The following TLE4 variants were observed in gnomAD, a reference collection of about 807,000 sequenced individuals.
TLE4 encodes transducin-like enhancer protein 4.
A neutral mutation model predicts 92.8 loss-of-function variants in TLE4; 8 were observed. That is an observed-to-expected ratio of 0.09 (90% CI 0.05 to 0.16). The LOEUF is 0.16. Ranked by LOEUF, TLE4 falls within the 10% of genes least tolerant of loss-of-function variation. The pLI is 1.00. For missense variants in TLE4, 675 were observed against 997.6 expected, an observed-to-expected ratio of 0.68 and a Z score of 4.36; for synonymous variants, 371 against 374.1, an observed-to-expected ratio of 0.99 and a Z score of 0.10.
chr9:79,697,406 G>A (rs1402417514), intron 8 of TLE4, among the ~76,000 whole-genome samples: 1 of 152,112 alleles, frequency 6.6e-6, no homozygotes, highest in Non-Finnish European at 1.5e-5. Flanking sequence ...CATCAGTGGT[G>A]AGGGGTTGTA....
At chr9:79,593,580 G>T (rs937935655) in intron 4 of TLE4, among the ~76,000 whole-genome samples, 1 of 152,046 alleles carries the variant, frequency 6.6e-6, no homozygotes, top group African/African-American at 2.4e-5. Context: ...GAAGTGCTTT[G>T]TATTTTTGCT....
intron 8 of TLE4, among the ~76,000 whole-genome samples, chr9:79,660,885 C>T (rs2060441480): frequency 6.6e-6 from 1 of 152,158 alleles, no homozygotes; most frequent in Admixed American, 6.5e-5. Context: ...CTCCGCCGAT[C>T]GCTGAAGCAG....
intron 18 of TLE4, 97 bp downstream of exon 18, chr9:79,722,698 C>CATGCCCCT (rs2075830518): frequency 1.4e-6 from 2 of 1,426,290 alleles, no homozygotes; most frequent in East Asian, 4.6e-5. Flanking sequence ...AGTTCATTAC[C>CATGCCCCT]ATGCCCCTCT....
intron 4 of TLE4, among the ~76,000 whole-genome samples, chr9:79,587,589 T>G (rs898658002): frequency 2.0e-5 from 3 of 152,194 alleles, no homozygotes; most frequent in Non-Finnish European, 2.9e-5. Context: ...AGCCAGGTTT[T>G]TTTTTGTTTT....
intron 6 of TLE4, chr9:79,649,476 T>G (rs1228677582): frequency 1.2e-5 from 2 of 173,054 alleles, no homozygotes; most frequent in East Asian, 1.7e-4. Context: ...TTCTTTTGAC[T>G]TTAGATGGGC....
chr9:79,657,662 G>A (rs146309157), intron 8 of TLE4, among the ~76,000 whole-genome samples: 111 of 152,284 alleles, frequency 7.3e-4, no homozygotes, highest in African/African-American at 2.6e-3. Context: ...TAATGATTCA[G>A]AGCTGTGAAG....
chr9:79,709,283 GAA>G (rs2072609742), intron 13 of TLE4, among the ~76,000 whole-genome samples: 1 of 152,040 alleles, frequency 6.6e-6, no homozygotes, highest in Non-Finnish European at 1.5e-5. Flanking sequence ...CTTTTTAAAA[GAA>G]TACTAATTTT....
At chr9:79,596,694 A>G (rs915066455) in intron 4 of TLE4, among the ~76,000 whole-genome samples, 1 of 152,204 alleles carries the variant, frequency 6.6e-6, no homozygotes, top group Non-Finnish European at 1.5e-5. Flanking sequence ...TTGTAGCACT[A>G]TCTAATCTCA....
chr9:79,594,042 A>G (rs375066246), intron 4 of TLE4, among the ~76,000 whole-genome samples: 46 of 152,314 alleles, frequency 3.0e-4, no homozygotes, highest in African/African-American at 1.1e-3. Flanking sequence ...TTTACTTTTT[A>G]TAACATGTTG....
intron 8 of TLE4, among the ~76,000 whole-genome samples, chr9:79,670,409 C>G (rs922633271): frequency 6.6e-6 from 1 of 152,130 alleles, no homozygotes; most frequent in Admixed American, 6.6e-5. Flanking sequence ...GATTGGTACA[C>G]TGCACCCTCA....
intron 5 of TLE4, among the ~76,000 whole-genome samples, chr9:79,623,860 G>A (rs930844418): frequency 1.3e-5 from 2 of 152,032 alleles, no homozygotes; most frequent in Non-Finnish European, 2.9e-5. Context: ...TCATTTGGTG[G>A]TACTGGTGGC....
At chr9:79,690,779 C>CTTTTTTTTT (rs35528090) in intron 8 of TLE4, among the ~76,000 whole-genome samples, 26 of 54,166 alleles carry the variant, frequency 4.8e-4, no homozygotes, top group African/African-American at 1.2e-3. Context: ...CCACTCCTGG[C>CTTTTTTTTT]TTTTTTTTTT....
intron 4 of TLE4, among the ~76,000 whole-genome samples, chr9:79,588,521 A>G (rs1156266270): frequency 1.3e-5 from 2 of 152,132 alleles, no homozygotes; most frequent in African/African-American, 4.8e-5. Flanking sequence ...TAAATGTTAA[A>G]AATAATAGCT....
At chr9:79,669,535 G>C (rs1008614903) in intron 8 of TLE4, among the ~76,000 whole-genome samples, 5 of 151,972 alleles carry the variant, frequency 3.3e-5, no homozygotes, top group Non-Finnish European at 7.4e-5. Flanking sequence ...TTGGCCTGCA[G>C]TTTTGGTCTG....
intron 4 of TLE4, among the ~76,000 whole-genome samples, chr9:79,585,570 C>T (rs982361159): frequency 2.6e-5 from 4 of 152,102 alleles, no homozygotes; most frequent in African/African-American, 7.2e-5. Flanking sequence ...TAACTTAGGG[C>T]GTAAGTGAAC....
chr9:79,614,098 C>T (rs1051458962), intron 5 of TLE4, among the ~76,000 whole-genome samples: 1 of 152,082 alleles, frequency 6.6e-6, no homozygotes, highest in East Asian at 1.9e-4. Flanking sequence ...TTTTGGAAAC[C>T]TGACTGCCCC....
intron 6 of TLE4, among the ~76,000 whole-genome samples, chr9:79,648,733 C>T (rs2058476788): frequency 6.6e-6 from 1 of 152,230 alleles, no homozygotes; most frequent in South Asian, 2.1e-4. Flanking sequence ...TATAGGATAG[C>T]ACAGAAGGAT....
At chr9:79,669,009 CG>C (rs2061839012) in intron 8 of TLE4, among the ~76,000 whole-genome samples, 3 of 152,204 alleles carry the variant, frequency 2.0e-5, no homozygotes, top group African/African-American at 7.2e-5. Flanking sequence ...TCCTTCTGCT[CG>C]ATTATTTCAT....
chr9:79,649,267 TACATAC>T (rs1262233927), intron 6 of TLE4, among the ~76,000 whole-genome samples: 114 of 85,758 alleles, frequency 1.3e-3, no homozygotes, highest in African/African-American at 3.2e-3. Context: ...CGGACATACA[TACATAC>T]ACACACACAC....
Sources: allele counts gnomAD v4.1 joint callset (sites outside exome capture counted in the v4.1 genomes callset), GRCh38; gene constraint gnomAD v4.1.1; transcripts MANE v1.5; gene names NCBI Gene and HGNC (gene_info 2026-07-23, HGNC 2026-07-21).